RTN4: variants seen among roughly 807,000 people sequenced by gnomAD.
The protein encoded by RTN4 is reticulon 4.
In RTN4, 32 loss-of-function variants were observed where a neutral mutation model predicts 90.4. The observed-to-expected ratio is 0.35, with a 90% CI of 0.27 to 0.48. The LOEUF (loss-of-function observed/expected upper bound fraction) is 0.48, where lower values mean the gene tolerates loss of function less well. Ranked by LOEUF, RTN4 falls within the 20% of genes least tolerant of loss-of-function variation. The pLI is 0.99. For missense variants in RTN4, 1,706 were observed against 1,430.2 expected, an observed-to-expected ratio of 1.19 and a Z score of -3.11; for synonymous variants, 629 against 552.5, an observed-to-expected ratio of 1.14 and a Z score of -1.94.
Position 54,972,955 on chromosome 2 carries a change from A to T in RTN4, c.*201T>A. 1 of 473,476 alleles carries T rather than the reference A, an allele frequency of 2.1e-6. No individual in the cohort carries two copies. The highest frequency in any genetic ancestry group is 3.8e-6 in the Non-Finnish European group (1 of 262,856). 29.3% of individuals were successfully genotyped at this position (473,476 alleles called of 1,614,324 possible). ...GGTTTAAATCCATACATAGCAGCTT[A>T]CAATACTTAAGATGATGAACACATG... On this transcript the variant is annotated 3_prime_UTR_variant, in exon 9 of 9. Transcript: ENST00000337526.
At chr2:55,103,226 A>G (rs991465398) in intron 1 of RTN4, among the ~76,000 whole-genome samples, 1 of 152,096 alleles carries the variant, frequency 6.6e-6, no homozygotes, top group Admixed American at 6.6e-5. Flanking sequence ...AACCAGAAAC[A>G]GAAAGATACT....
At chr2:55,004,507 A>G (rs1257257075) in intron 3 of RTN4, among the ~76,000 whole-genome samples, 4 of 152,172 alleles carry the variant, frequency 2.6e-5, no homozygotes, top group African/African-American at 4.8e-5. Context: ...GGAATACTCT[A>G]AAAATTCTGA....
chr2:54,999,566 A>G (rs1382061560), intron 3 of RTN4, among the ~76,000 whole-genome samples: 1 of 152,176 alleles, frequency 6.6e-6, no homozygotes, highest in Non-Finnish European at 1.5e-5. Context: ...AGCAAATATT[A>G]AGTTCTCTTT....
At chr2:55,083,955 TG>T (rs1310111043) in intron 1 of RTN4, among the ~76,000 whole-genome samples, 4 of 152,202 alleles carry the variant, frequency 2.6e-5, no homozygotes, top group Non-Finnish European at 5.9e-5. Flanking sequence ...TGGAGTTTCT[TG>T]GGTTAAAGGA....
intron 1 of RTN4, among the ~76,000 whole-genome samples, chr2:55,096,457 G>C (rs777747512): frequency 1.3e-5 from 2 of 151,950 alleles, no homozygotes; most frequent in Non-Finnish European, 2.9e-5. Context: ...CATTCATCAG[G>C]CCTCATCTAA....
intron 1 of RTN4, among the ~76,000 whole-genome samples, chr2:55,087,006 A>C (rs1668854029): frequency 6.6e-6 from 1 of 151,952 alleles, no homozygotes; most frequent in African/African-American, 2.4e-5. Flanking sequence ...GTGCTTTTTG[A>C]TATCTGGGCT....
chr2:55,123,372 A>C, the RTN4 span, among the ~76,000 whole-genome samples: 5 of 152,156 alleles, frequency 3.3e-5, no homozygotes, highest in East Asian at 9.6e-4. Flanking sequence ...ATTTTAAAAT[A>C]ATTTATCAGA....
At chr2:55,055,802 C>G (rs1169788227), upstream of RTN4, among the ~76,000 whole-genome samples, 2 of 150,272 alleles carry the variant, frequency 1.3e-5, no homozygotes, top group African/African-American at 4.9e-5. Flanking sequence ...AAAACAAAAA[C>G]CTACTGACCA....
chr2:55,061,987 A>T (rs1199300045), intron 2 of RTN4, among the ~76,000 whole-genome samples: 2 of 152,034 alleles, frequency 1.3e-5, no homozygotes, highest in Non-Finnish European at 2.9e-5. Context: ...GGAGGAACAC[A>T]CAAGCGGTTG....
At chr2:55,055,850 T>C (rs1271792810) in intron 2 of RTN4, among the ~76,000 whole-genome samples, 1 of 151,796 alleles carries the variant, frequency 6.6e-6, no homozygotes, top group Non-Finnish European at 1.5e-5. Flanking sequence ...AAAACACATT[T>C]CCTAATGTCA....
At chr2:55,076,071 A>G (rs1422514727) in intron 2 of RTN4, among the ~76,000 whole-genome samples, 1 of 152,188 alleles carries the variant, frequency 6.6e-6, no homozygotes, top group African/African-American at 2.4e-5. Context: ...ACAAAAAGAT[A>G]AATAGATGGG....
chr2:55,080,178 G>A (rs1255039496), intron 2 of RTN4, among the ~76,000 whole-genome samples: 7 of 151,896 alleles, frequency 4.6e-5, no homozygotes, highest in Admixed American at 1.3e-4. Context: ...CACCATACCC[G>A]GCTAACTTTT....
At chr2:55,034,895 G>A (rs1203736583) in intron 1 of RTN4, among the ~76,000 whole-genome samples, 2 of 152,158 alleles carry the variant, frequency 1.3e-5, no homozygotes, top group Non-Finnish European at 2.9e-5. Flanking sequence ...TTTATTACAT[G>A]TGAAACATGT....
chr2:55,104,456 T>G (rs993871527), intron 1 of RTN4, among the ~76,000 whole-genome samples: 2 of 151,930 alleles, frequency 1.3e-5, no homozygotes, highest in Non-Finnish European at 2.9e-5. Flanking sequence ...GGGTTCATGA[T>G]TCTCGTGCTT....
chr2:55,134,497 C>T, the RTN4 span, among the ~76,000 whole-genome samples: 1 of 152,198 alleles, frequency 6.6e-6, no homozygotes, highest in African/African-American at 2.4e-5. Context: ...CTGATGCCCA[C>T]CCAGCAGGCA....
chr2:55,099,727 C>T (rs759602932), intron 1 of RTN4, among the ~76,000 whole-genome samples: 10 of 152,044 alleles, frequency 6.6e-5, no homozygotes, highest in East Asian at 5.8e-4. Context: ...GTATGTGACA[C>T]GGTGCCAGTT....
At chr2:55,020,743 C>A (rs116399698) in intron 3 of RTN4, among the ~76,000 whole-genome samples, 3,570 of 152,262 alleles carry the variant, frequency 0.023, 76 homozygotes, top group South Asian at 0.035. Context: ...GTCCTGGAGG[C>A]TCACACCTGT....
intron 3 of RTN4, among the ~76,000 whole-genome samples, chr2:55,003,839 G>C (rs753807704): frequency 5.9e-5 from 9 of 152,172 alleles, no homozygotes; most frequent in South Asian, 4.1e-4. Flanking sequence ...ATGTGCGTAG[G>C]TTTTACGAAA....
chr2:55,033,702 T>C (rs994724946), intron 1 of RTN4, among the ~76,000 whole-genome samples: 7 of 152,246 alleles, frequency 4.6e-5, no homozygotes, highest in South Asian at 2.1e-4. Flanking sequence ...ATGAGTTCAA[T>C]GTTAATGAAT....
Sources: allele counts gnomAD v4.1 joint callset (sites outside exome capture counted in the v4.1 genomes callset), GRCh38; gene constraint gnomAD v4.1.1; transcripts MANE v1.5; gene names NCBI Gene and HGNC (gene_info 2026-07-23, HGNC 2026-07-21).